Variants in KCNH7 observed in about 807,000 individuals in gnomAD.
The protein encoded by KCNH7 is potassium voltage-gated channel subfamily H member 7.
KCNH7 carries 49 observed loss-of-function variants against 120.8 expected under a neutral mutation model. The ratio of observed to expected loss-of-function variants is 0.41; its 90% CI spans 0.32 to 0.51. The LOEUF (loss-of-function observed/expected upper bound fraction) is 0.51. KCNH7 is among the 20% of genes least tolerant of loss of function. KCNH7 has a pLI of 0.38. For missense variants in KCNH7, 1,097 were observed against 1,446.6 expected (o/e 0.76, Z 3.92); for synonymous variants, 547 against 516.1 (o/e 1.06, Z -0.81).
intron 2 of KCNH7, among the ~76,000 whole-genome samples, chr2:162,674,381 C>T (rs13402126): frequency 0.011 from 1,718 of 151,712 alleles, 31 homozygotes; most frequent in African/African-American, 0.039. Context: ...TATCCACATT[C>T]CTGAATAGAA....
intron 7 of KCNH7, among the ~76,000 whole-genome samples, chr2:162,445,063 C>T (rs910138789): frequency 2.2e-4 from 33 of 152,042 alleles, no homozygotes; most frequent in African/African-American, 7.2e-4. Context: ...ACTCACAGTT[C>T]GATCAGAGTT....
intron 3 of KCNH7, among the ~76,000 whole-genome samples, chr2:162,533,693 G>A (rs1221894223): frequency 6.6e-6 from 1 of 151,626 alleles, no homozygotes; most frequent in Non-Finnish European, 1.5e-5. Flanking sequence ...AATTGCAAGA[G>A]AGAGAATGAA....
intron 2 of KCNH7, among the ~76,000 whole-genome samples, chr2:162,617,062 G>A (rs752254726): frequency 6.6e-6 from 1 of 152,148 alleles, no homozygotes; most frequent in African/African-American, 2.4e-5. Context: ...ATTTAAGGTT[G>A]GGGAGGGGAC....
chr2:162,461,371 T>G (rs1174971614), intron 6 of KCNH7, among the ~76,000 whole-genome samples: 1 of 152,210 alleles, frequency 6.6e-6, no homozygotes, highest in Non-Finnish European at 1.5e-5. Flanking sequence ...CATAGGCAAC[T>G]GTGAACTATG....
intron 2 of KCNH7, among the ~76,000 whole-genome samples, chr2:162,713,547 T>C (rs1476911714): frequency 2.8e-4 from 43 of 152,150 alleles, no homozygotes; most frequent in Non-Finnish European, 1.3e-4. Context: ...TATTGATAAC[T>C]GAAAGTAGTT....
At chr2:162,629,744 C>T (rs771237041) in intron 2 of KCNH7, among the ~76,000 whole-genome samples, 5 of 152,044 alleles carry the variant, frequency 3.3e-5, no homozygotes, top group South Asian at 2.1e-4. Context: ...TGAGTATTTA[C>T]ACTCCAGAAA....
At chr2:162,736,056 T>C (rs1687896556) in intron 2 of KCNH7, among the ~76,000 whole-genome samples, 1 of 152,108 alleles carries the variant, frequency 6.6e-6, no homozygotes, top group African/African-American at 2.4e-5. Flanking sequence ...TGAATAATAA[T>C]ACATATAATA....
intron 9 of KCNH7, among the ~76,000 whole-genome samples, chr2:162,420,304 A>T (rs1407755030): frequency 6.6e-6 from 1 of 152,178 alleles, no homozygotes; most frequent in African/African-American, 2.4e-5. Flanking sequence ...TGAACCCAGG[A>T]GGTGGAGGTT....
chr2:162,814,992 ATTC>A (rs1171381951), intron 2 of KCNH7, among the ~76,000 whole-genome samples: 4 of 151,946 alleles, frequency 2.6e-5, no homozygotes, highest in Non-Finnish European at 5.9e-5. Flanking sequence ...CTACATTTGA[ATTC>A]CTCCTCCCCT....
intron 2 of KCNH7, among the ~76,000 whole-genome samples, chr2:162,591,262 TTG>T (rs149437775): frequency 6.6e-6 from 1 of 152,046 alleles, no homozygotes; most frequent in Non-Finnish European, 1.5e-5. Context: ...TCTTTATTTT[TTG>T]TGTCTTATCA....
intron 2 of KCNH7, among the ~76,000 whole-genome samples, chr2:162,580,787 T>C (rs371445749): frequency 8.6e-5 from 13 of 151,958 alleles, no homozygotes; most frequent in African/African-American, 2.7e-4. Context: ...GAGTACTTGG[T>C]TTGGGGTAGG....
intron 11 of KCNH7, among the ~76,000 whole-genome samples, chr2:162,395,856 C>T (rs753112296): frequency 4.0e-5 from 6 of 151,682 alleles, no homozygotes; most frequent in Admixed American, 3.3e-4. Flanking sequence ...AATCTACCCC[C>T]TCTTACCTAA....
chr2:162,835,354 C>G (rs902668924), intron 2 of KCNH7, among the ~76,000 whole-genome samples: 1 of 151,854 alleles, frequency 6.6e-6, no homozygotes, highest in East Asian at 1.9e-4. Flanking sequence ...AAGACTGAAA[C>G]CTTTTTCCTG....
chr2:162,556,401 A>G (rs1312149714), intron 2 of KCNH7, among the ~76,000 whole-genome samples: 3 of 152,144 alleles, frequency 2.0e-5, no homozygotes, highest in East Asian at 1.9e-4. Flanking sequence ...TGGTTATTGA[A>G]CACTAGCTGA....
chr2:162,478,845 T>G (rs1472898180), intron 6 of KCNH7, among the ~76,000 whole-genome samples: 1 of 152,192 alleles, frequency 6.6e-6, no homozygotes, highest in African/African-American at 2.4e-5. Flanking sequence ...GCTTCTGACC[T>G]ACTTCAGAGT....
chr2:162,570,096 T>C (rs985411429), intron 2 of KCNH7, among the ~76,000 whole-genome samples: 2 of 147,802 alleles, frequency 1.4e-5, no homozygotes, highest in Non-Finnish European at 3.0e-5. Flanking sequence ...GTTGACTTTC[T>C]GTCTCGTTGA....
At chr2:162,562,644 C>A (rs117540381) in intron 2 of KCNH7, among the ~76,000 whole-genome samples, 1 of 152,162 alleles carries the variant, frequency 6.6e-6, no homozygotes, top group Admixed American at 6.5e-5. Context: ...TGGACCTGGG[C>A]TTTGAGGAAG....
chr2:162,738,860 CA>C (rs1688014746), intron 2 of KCNH7, among the ~76,000 whole-genome samples: 1 of 152,174 alleles, frequency 6.6e-6, no homozygotes, highest in Non-Finnish European at 1.5e-5. Context: ...TGCCTCCACC[CA>C]TATCCATGCT....
chr2:162,588,734 G>A (rs1021041245), intron 2 of KCNH7, among the ~76,000 whole-genome samples: 1 of 152,050 alleles, frequency 6.6e-6, no homozygotes, highest in Non-Finnish European at 1.5e-5. Context: ...TGTTGGGAAC[G>A]TGTGATATCC....
Sources: gnomAD v4.1 joint callset for allele counts (sites outside exome capture counted in the v4.1 genomes callset) on GRCh38, gnomAD v4.1.1 for gene constraint, MANE v1.5 for transcripts, NCBI Gene and HGNC (gene_info 2026-07-23, HGNC 2026-07-21) for gene names.